SNX20: variants seen among roughly 807,000 people sequenced by gnomAD.
SNX20 encodes sorting nexin-20.
In SNX20, 21 loss-of-function variants were observed where a neutral mutation model predicts 24.5. The observed-to-expected ratio is 0.86, with a 90% CI of 0.61 to 1.23. The LOEUF (loss-of-function observed/expected upper bound fraction) is 1.23. Ranked by LOEUF, SNX20 falls within the 50% of genes most tolerant of loss-of-function variation. The pLI, the probability that SNX20 is intolerant of heterozygous loss-of-function variation, is 0.00. For synonymous variants in SNX20, 206 were observed against 192.8 expected, an observed-to-expected ratio of 1.07 and a Z score of -0.57; for missense variants, 433 against 430.8, an observed-to-expected ratio of 1.00 and a Z score of -0.04.
intron 3 of SNX20, 117 bp downstream of exon 3, chr16:50,675,653 T>G: frequency 7.7e-7 from 1 of 1,296,542 alleles, no homozygotes; most frequent in Admixed American, 2.4e-5. Flanking sequence ...AAGAAAGCTG[T>G]GAGTTAGTGT....
chr16:50,671,150 C>T (rs1238817579), downstream of SNX20: 1 of 143,300 alleles, frequency 7.0e-6, no homozygotes, highest in African/African-American at 2.6e-5. Flanking sequence ...CATTTCAGCA[C>T]CTCTGAACTC....
At position 50,673,251 on chromosome 16, in the gene SNX20, T is replaced by C. The variant is rs536031909; in HGVS notation, c.*155A>G. ...AGGAGTTTGAGGCTGCAGTGAGACA[T>C]AATTGAGCCACTGCACTTCAGTCTG... On this transcript the variant is annotated 3_prime_UTR_variant, in exon 4 of 4. Transcript: ENST00000330943. The surrounding 1 kb of genome is among the most constrained non-coding windows in gnomAD (Gnocchi z 4.1). 3.5e-5 allele frequency: 43 copies of C among 1,235,998 alleles called. No homozygotes were observed. The highest frequency in any genetic ancestry group is 4.6e-4 in the Middle Eastern group (2 of 4,314). The allele number at this position is 1,235,998 out of a possible 1,614,324, so 76.6% of individuals were successfully genotyped here.
chr16:50,678,312 A>G (rs1758637234), intron 1 of SNX20, among the ~76,000 whole-genome samples: 1 of 152,256 alleles, frequency 6.6e-6, no homozygotes, highest in Non-Finnish European at 1.5e-5. Flanking sequence ...ATAGCTTATT[A>G]TACCCACTTC....
chr16:50,668,251 C>T, downstream of SNX20: 2 of 1,424,848 alleles, frequency 1.4e-6, no homozygotes, highest in East Asian at 2.5e-5. Flanking sequence ...AAACTTACCT[C>T]CTTTTGCAGG....
chr16:50,672,227 T>A lies in SNX20; in HGVS notation c.*1179A>T, dbSNP rs1567368680. ...CCTCAAAAGGGGCAGTGTTGAGGAT[T>A]CAGTCTGTTTTCTGCCCAGAGGCCC... On this transcript the variant is annotated 3_prime_UTR_variant, in exon 4 of 4. Transcript: ENST00000330943. 6.6e-6 allele frequency: 1 copy of A among 152,230 alleles called. No homozygotes were observed. 9.4% of individuals were successfully genotyped at this position (152,230 alleles called of 1,614,324 possible). A position where few individuals can be genotyped will look rare whatever the true frequency, so the allele number is the denominator to read the frequency against.
chr16:50,677,575 T>C (rs771903004), intron 1 of SNX20, 40 bp from the exon 2 acceptor site: 52 of 1,460,244 alleles, frequency 3.6e-5, no homozygotes, highest in Non-Finnish European at 4.7e-5. Flanking sequence ...CCCACTCCAG[T>C]TGGGGTTCCC....
chr16:50,673,569 T>TGGCCCTCCCGGGCCTGCAGGCGCTGCAG lies in SNX20; in HGVS notation c.760_787dup (p.His263ProfsTer110). 1 of 1,601,180 alleles carries TGGCCCTCCCGGGCCTGCAGGCGCTGCAG rather than the reference T, an allele frequency of 6.2e-7. No homozygotes were observed. The highest frequency in any genetic ancestry group is 8.5e-7 in the Non-Finnish European group (1 of 1,177,006). ...GTCCAGCAGAGGCGCATAGTAGCGA[T>TGGCCCTCCCGGGCCTGCAGGCGCTGCAG]GGCCCTCCCGGGCCTGCAGGCGCTG... On this transcript the variant is annotated frameshift_variant, in exon 4 of 4. Coordinates refer to ENST00000330943, the MANE Select transcript of SNX20 (RefSeq NM_182854.4). LOFTEE classifies it high-confidence loss of function. The surrounding 1 kb of genome is among the most constrained non-coding windows in gnomAD (Gnocchi z 4.1).
rs1348643940 is a variant in SNX20, at chr16:50,673,368, C to T, written c.*38G>A. Reference sequence around the variant, plus strand: ...ACAGCCCACTGTGAGCCATGGTGACCCCAAATCTCCAGCGTCCCTGCGGGG... The same window carrying T: ...ACAGCCCACTGTGAGCCATGGTGACTCCAAATCTCCAGCGTCCCTGCGGGG... On this transcript the variant is annotated 3_prime_UTR_variant, in exon 4 of 4. Coordinates refer to ENST00000330943, the MANE Select transcript of SNX20 (RefSeq NM_182854.4). This position sits in a 1 kb window ranked among gnomAD's most constrained non-coding sequence, Gnocchi z 4.1. 2 of 1,437,566 alleles carry T rather than the reference C, an allele frequency of 1.4e-6. No homozygotes were observed. The highest frequency in any genetic ancestry group is 1.8e-6 in the Non-Finnish European group (2 of 1,090,414). 89.1% of individuals were successfully genotyped at this position (1,437,566 alleles called of 1,614,324 possible). A position where few individuals can be genotyped will look rare whatever the true frequency, so the allele number is the denominator to read the frequency against.
intron 2 of SNX20, 105 bp from the exon 3 acceptor site, chr16:50,676,026 T>A: frequency 8.2e-7 from 1 of 1,223,946 alleles, no homozygotes; most frequent in Non-Finnish European, 1.1e-6. Flanking sequence ...TCAGAACTCC[T>A]GAAGAGTATT....
chr16:50,674,695 G>A (rs1383216565), intron 3 of SNX20, among the ~76,000 whole-genome samples: 1 of 152,138 alleles, frequency 6.6e-6, no homozygotes, highest in African/African-American at 2.4e-5. Context: ...GCTAAAACTG[G>A]GCCTCTGTTT....
At chr16:50,674,132 A>C in intron 3 of SNX20, 58 bp from the exon 4 acceptor site, 1 of 1,522,414 alleles carries the variant, frequency 6.6e-7, no homozygotes, top group South Asian at 1.3e-5. Flanking sequence ...CGGCGGACGG[A>C]GCACACCCAG....
rs1226003806 is a variant in SNX20, at chr16:50,673,608, C to A, written c.749G>T (p.Gly250Val). ...LDRPAEAFAA[G>V]ERALQRLQAR... ...CTGCAGGCGCTGCAGGGCCCTCTCTCCGGCCGCGAAGGCCTCGGCGGGGCG... is the reference window on the plus strand; with the variant it reads ...CTGCAGGCGCTGCAGGGCCCTCTCTACGGCCGCGAAGGCCTCGGCGGGGCG... The change falls in exon 4 of 4, where the codon GGA becomes GTA. Residue 250 changes from glycine to valine, a missense_variant. By Grantham distance (109) the Gly-to-Val change is moderately radical (BLOSUM62 -3). Transcript: ENST00000330943. This position sits in a 1 kb window ranked among gnomAD's most constrained non-coding sequence, Gnocchi z 4.1. 6.3e-7 allele frequency: 1 copy of A among 1,578,298 alleles called. No homozygotes were observed. Among genetic ancestry groups the A allele is most frequent in the Admixed American group, 1.8e-5 (1 of 56,364 alleles).
downstream of SNX20, chr16:50,667,312 G>C (rs1962938232): frequency 6.5e-6 from 1 of 153,800 alleles, no homozygotes; most frequent in Admixed American, 6.5e-5. Flanking sequence ...GTGGTGGGGG[G>C]GTAGTTTCCT....
Position 50,679,551 on chromosome 16 carries a change from G to A in SNX20, c.-10+1639C>T, listed in dbSNP as rs570273394. On this transcript the variant is annotated intron_variant, in intron 1 of 3. Transcript: ENST00000330943. ...GGGCCTGGCTGGCCCAGGGCTGCAC[G>A]TTCTTGAGCATGCCGTCACGGGCAC... 3.9e-5 allele frequency among the ~76,000 whole-genome samples: 6 copies of A among 152,230 alleles called. No individual in the cohort carries two copies. In the East Asian group the frequency reaches 5.8e-4, roughly 15 times the overall value.
chr16:50,677,225 G>A (rs574447918), intron 2 of SNX20, among the ~76,000 whole-genome samples, 172 bp downstream of exon 2: 86 of 152,128 alleles, frequency 5.7e-4, no homozygotes, highest in African/African-American at 1.3e-3. Context: ...TCCTAGGACC[G>A]TCTCCCGGAT....
At chr16:50,670,359 A>T (rs1963016692), downstream of SNX20, 1 of 152,082 alleles carries the variant, frequency 6.6e-6, no homozygotes. Flanking sequence ...GCAGTGGGGG[A>T]TGCTCTTGTT....
chr16:50,674,714 G>C (rs1963144761), intron 3 of SNX20, among the ~76,000 whole-genome samples: 1 of 152,224 alleles, frequency 6.6e-6, no homozygotes, highest in South Asian at 2.1e-4. Context: ...TTTCTGAACT[G>C]AGATGCTGTG....
At chr16:50,679,305 C>T (rs927843071) in intron 1 of SNX20, among the ~76,000 whole-genome samples, 7 of 152,190 alleles carry the variant, frequency 4.6e-5, no homozygotes, top group African/African-American at 1.4e-4. Context: ...GCACAGCCAG[C>T]GCCTGTCCCT....
At chr16:50,666,775 T>TA (rs1417651695), downstream of SNX20, 1 of 152,410 alleles carries the variant, frequency 6.6e-6, no homozygotes, top group Admixed American at 6.5e-5. Flanking sequence ...CGTGAGTGTT[T>TA]ACTGCACATC....
Sources: allele counts gnomAD v4.1 joint callset (sites outside exome capture counted in the v4.1 genomes callset), GRCh38; gene constraint gnomAD v4.1.1; non-coding constraint Gnocchi (gnomAD v3.1); transcripts MANE v1.5; gene names NCBI Gene and HGNC (gene_info 2026-07-23, HGNC 2026-07-21).